The following ASAH2 variants were observed in gnomAD, a reference collection of about 807,000 sequenced individuals.
ASAH2 encodes N-acylsphingosine amidohydrolase 2.
ASAH2 carries 58 observed loss-of-function variants against 82.9 expected under a neutral mutation model. That is an observed-to-expected ratio of 0.70 (90% CI 0.57 to 0.87). The LOEUF (loss-of-function observed/expected upper bound fraction) is 0.87. Ranked by LOEUF, ASAH2 falls within the 40% of genes least tolerant of loss-of-function variation. The pLI is 0.00. For missense variants in ASAH2, 779 were observed against 834.0 expected (o/e 0.93, Z 0.81); for synonymous variants, 276 against 289.7 (o/e 0.95, Z 0.48).
chr10:50,216,792 G>A (rs989189609), intron 8 of ASAH2, among the ~76,000 whole-genome samples: 94 of 152,270 alleles, frequency 6.2e-4, no homozygotes, highest in Non-Finnish European at 9.1e-4. Context: ...AAGTATTGGA[G>A]ATATAAATCT....
At chr10:50,238,879 T>C (rs1275484676) in intron 4 of ASAH2, among the ~76,000 whole-genome samples, 2 of 152,164 alleles carry the variant, frequency 1.3e-5, no homozygotes, top group Non-Finnish European at 2.9e-5. Context: ...CTACAGTCTC[T>C]GATATGAAGC....
Position 50,211,098 on chromosome 10 carries a change from GT to G in ASAH2, c.1263del (p.Pro422HisfsTer11). The G allele has an allele frequency of 6.2e-7, 1 of 1,613,666 alleles. No homozygotes were observed. The highest frequency in any genetic ancestry group is 1.7e-5 in the Admixed American group (1 of 59,956). On this transcript the variant is annotated frameshift_variant, in exon 11 of 21. Transcript: ENST00000682911. LOFTEE classifies it high-confidence loss of function. ...LYASASQEVT[G>X]PLASAHQWVD... is the part of the protein sequence containing the mutation. The stretch of plus-strand genomic sequence containing the variant: ...ACCCACTGGTGTGCTGAAGCCAGTG[GT>G]CCTGTTACCTCCTGGGAGGCAGAGG...
intron 3 of ASAH2, 62 bp from the exon 4 acceptor site, chr10:50,243,413 A>G: frequency 6.4e-7 from 1 of 1,565,434 alleles, no homozygotes; most frequent in Admixed American, 1.8e-5. Context: ...GAAACCAGGC[A>G]CAAACATACA....
intron 12 of ASAH2, among the ~76,000 whole-genome samples, chr10:50,209,196 T>C (rs1845387596): frequency 1.3e-5 from 2 of 151,724 alleles, no homozygotes; most frequent in African/African-American, 2.4e-5. Context: ...TATAAGAAAA[T>C]AGGGGGAAAT....
chr10:50,211,399 A>G (rs1845450475), intron 10 of ASAH2, among the ~76,000 whole-genome samples: 1 of 152,180 alleles, frequency 6.6e-6, no homozygotes, highest in Non-Finnish European at 1.5e-5. Flanking sequence ...AGGCTGTGGC[A>G]CAAAAGGCCT....
At position 50,198,923 on chromosome 10, in the gene ASAH2, A is replaced by G. The variant is rs1742577147; in HGVS notation, c.1857+128T>C. On this transcript the variant is annotated intron_variant, in intron 17 of 20. Coordinates refer to ENST00000682911, the MANE Select transcript of ASAH2 (RefSeq NM_019893.4). ...AAATATAAAGGTTGTCAAACTGAACACTCGAAGCTAAGGTTCTCTTTCACT... is the reference window on the plus strand; with the variant it reads ...AAATATAAAGGTTGTCAAACTGAACGCTCGAAGCTAAGGTTCTCTTTCACT... The G allele has an allele frequency of 1.0e-5, 10 of 982,110 alleles. No individual in the cohort carries two copies. In the South Asian group the frequency reaches 1.2e-4, roughly 11 times the overall value. 60.8% of individuals were successfully genotyped at this position (982,110 alleles called of 1,614,324 possible). A position where few individuals can be genotyped will look rare whatever the true frequency, so the allele number is the denominator to read the frequency against.
intron 18 of ASAH2, among the ~76,000 whole-genome samples, chr10:50,193,715 G>A (rs1266807922): frequency 2.0e-5 from 3 of 151,458 alleles, no homozygotes; most frequent in African/African-American, 7.3e-5. Flanking sequence ...TTTAGTAATA[G>A]GTAATGCAAT....
intron 7 of ASAH2, among the ~76,000 whole-genome samples, chr10:50,219,804 C>T (rs1845696102): frequency 6.6e-6 from 1 of 152,208 alleles, no homozygotes; most frequent in Non-Finnish European, 1.5e-5. Flanking sequence ...TCTACGCAGG[C>T]AACACAAATG....
At chr10:50,202,569 G>T (rs904670610) in intron 16 of ASAH2, among the ~76,000 whole-genome samples, 1 of 152,168 alleles carries the variant, frequency 6.6e-6, no homozygotes, top group African/African-American at 2.4e-5. Context: ...ACCCAGGCTT[G>T]TTACCAATGC....
At chr10:50,250,527 C>A (rs1474727928) in intron 1 of ASAH2, among the ~76,000 whole-genome samples, 4 of 152,172 alleles carry the variant, frequency 2.6e-5, no homozygotes, top group Non-Finnish European at 4.4e-5. Flanking sequence ...CTAAGACATG[C>A]CTCTGAACTC....
intron 4 of ASAH2, among the ~76,000 whole-genome samples, chr10:50,242,983 C>T (rs1359943026): frequency 1.3e-5 from 2 of 152,074 alleles, no homozygotes; most frequent in East Asian, 1.9e-4. Flanking sequence ...GAGTCATCAG[C>T]AGAAGTGAAA....
At chr10:50,225,442 A>G (rs1343059658) in intron 7 of ASAH2, among the ~76,000 whole-genome samples, 1 of 152,184 alleles carries the variant, frequency 6.6e-6, no homozygotes, top group East Asian at 1.9e-4. Flanking sequence ...AAAATTAAAA[A>G]ATCCTTGCAC....
intron 7 of ASAH2, among the ~76,000 whole-genome samples, chr10:50,223,740 C>T (rs927345598): frequency 2.6e-5 from 4 of 151,948 alleles, no homozygotes; most frequent in African/African-American, 7.3e-5. Flanking sequence ...TTATACTGAC[C>T]GCATGTAGGC....
chr10:50,202,053 T>A (rs1383730057), intron 16 of ASAH2, among the ~76,000 whole-genome samples: 3 of 152,188 alleles, frequency 2.0e-5, no homozygotes, highest in South Asian at 2.1e-4. Context: ...ATTCTTCCTA[T>A]CCAAGTTTAG....
intron 18 of ASAH2, among the ~76,000 whole-genome samples, chr10:50,195,107 C>T (rs1025766177): frequency 8.0e-5 from 12 of 149,100 alleles, no homozygotes; most frequent in African/African-American, 2.9e-4. Flanking sequence ...GAGGAGACAA[C>T]CTAAAGAATG....
Position 50,204,966 on chromosome 10 carries a change from A to G in ASAH2, c.1531-11T>C, listed in dbSNP as rs2133202315. On this transcript the variant is annotated splice_polypyrimidine_tract_variant and intron_variant, in intron 13 of 20. Coordinates refer to ENST00000682911, the MANE Select transcript of ASAH2 (RefSeq NM_019893.4). ...GTGAGGTTTTGATAGCTGAGAACCC[A>G]AAACAAGAAAATTATGTTAGGGATA... is the stretch of plus-strand genomic sequence containing the variant. 1 of 1,579,358 alleles carries G rather than the reference A, an allele frequency of 6.3e-7. No individual in the cohort carries two copies. Among genetic ancestry groups the G allele is most frequent in the East Asian group, 2.2e-5 (1 of 44,648 alleles).
chr10:50,229,838 G>C (rs1205122221), intron 7 of ASAH2, among the ~76,000 whole-genome samples: 1 of 152,026 alleles, frequency 6.6e-6, no homozygotes, highest in African/African-American at 2.4e-5. Flanking sequence ...TCTCTGACAA[G>C]GTCAAATTCC....
Position 50,210,920 on chromosome 10 carries a change from T to G in ASAH2, c.1333-16A>C, listed in dbSNP as rs1845438880. On this transcript the variant is annotated splice_polypyrimidine_tract_variant and intron_variant, in intron 11 of 20. Transcript: ENST00000682911. ...ATGTTTTTGACTAAAGGAAAAGTTTTAAAAACAAAACAAAAATGAAAAAGA... is the reference window on the plus strand; with the variant it reads ...ATGTTTTTGACTAAAGGAAAAGTTTGAAAAACAAAACAAAAATGAAAAAGA... The G allele has an allele frequency of 6.2e-7, 1 of 1,611,944 alleles. No individual in the cohort carries two copies. Among genetic ancestry groups the G allele is most frequent in the Admixed American group, 1.7e-5 (1 of 59,916 alleles).
At chr10:50,249,712 A>AT (rs1443722758) in intron 1 of ASAH2, among the ~76,000 whole-genome samples, 1 of 152,212 alleles carries the variant, frequency 6.6e-6, no homozygotes, top group African/African-American at 2.4e-5. Context: ...AACTGGTAGC[A>AT]TTTTTTAATA....
Sources: gnomAD v4.1 joint callset for allele counts (sites outside exome capture counted in the v4.1 genomes callset) on GRCh38, gnomAD v4.1.1 for gene constraint, MANE v1.5 for transcripts, NCBI Gene and HGNC (gene_info 2026-07-23, HGNC 2026-07-21) for gene names.